The following LCN12 variants were observed in gnomAD, a reference collection of about 807,000 sequenced individuals.
LCN12 encodes epididymal-specific lipocalin-12.
A neutral mutation model predicts 23.7 loss-of-function variants in LCN12; 15 were observed. That is an observed-to-expected ratio of 0.63 (90% CI 0.42 to 0.97). LCN12 has a LOEUF of 0.97. Among genes scored for constraint, LCN12 ranks in the 50% least tolerant of loss-of-function variants. LCN12 has a pLI of 0.00. For missense variants in LCN12, 219 were observed against 249.6 expected, an observed-to-expected ratio of 0.88 and a Z score of 0.83; for synonymous variants, 116 against 111.5, an observed-to-expected ratio of 1.04 and a Z score of -0.25.
chr9:136,954,425 GC>G, intron 5 of LCN12, 170 bp downstream of exon 5: 1 of 818,150 alleles, frequency 1.2e-6, no homozygotes, highest in African/African-American at 1.7e-5. Flanking sequence ...CAGGCTCTGA[GC>G]CACCTCCTGC....
rs758308788 is a variant in LCN12, at chr9:136,954,137, G to A, written c.449-17G>A. 17 of 1,538,146 alleles carry A rather than the reference G, an allele frequency of 1.1e-5. No individual in the cohort carries two copies. Among genetic ancestry groups the A allele is most frequent in the Middle Eastern group, 3.4e-4 (2 of 5,872 alleles). On this transcript the variant is annotated splice_polypyrimidine_tract_variant and intron_variant, in intron 4 of 5. Transcript: ENST00000371633. ...CTGCCAAGTGCACAGACCCATGCTG[G>A]GCTCCCTGGGCTGCAGGCAGGAGCT... is the stretch of plus-strand genomic sequence containing the variant.
chr9:136,956,319 G>A (rs750645159), downstream of LCN12, among the ~76,000 whole-genome samples: 10 of 152,182 alleles, frequency 6.6e-5, no homozygotes, highest in South Asian at 6.2e-4. Context: ...GGAGCACCCC[G>A]CTACTCAGAA....
At chr9:136,951,443 T>C (rs1851149221), upstream of LCN12, 1 of 152,256 alleles carries the variant, frequency 6.6e-6, no homozygotes, top group African/African-American at 2.4e-5. Flanking sequence ...TTTGTAGAGA[T>C]GGAGTCTCGC....
At chr9:136,953,174 G>A in intron 2 of LCN12, 146 bp downstream of exon 2, 1 of 1,149,400 alleles carries the variant, frequency 8.7e-7, no homozygotes, top group Non-Finnish European at 1.2e-6. Context: ...CCCAGCTGGG[G>A]AGTATACAAA....
At chr9:136,951,890 G>A (rs935890610), upstream of LCN12, among the ~76,000 whole-genome samples, 2 of 152,258 alleles carry the variant, frequency 1.3e-5, no homozygotes, top group African/African-American at 4.8e-5. Flanking sequence ...CCCGGGTTTG[G>A]CCACAGCTGG....
At chr9:136,950,459 A>T (rs1851126904), upstream of LCN12, among the ~76,000 whole-genome samples, 4 of 151,876 alleles carry the variant, frequency 2.6e-5, no homozygotes, top group South Asian at 8.3e-4. Context: ...CGGGCTGGCC[A>T]GGGAAGGCCC....
At chr9:136,955,774 C>T (rs537921963), downstream of LCN12, among the ~76,000 whole-genome samples, 74 of 152,366 alleles carry the variant, frequency 4.9e-4, 1 homozygote, top group South Asian at 0.014. Flanking sequence ...AGTTCGCAGG[C>T]TCTTCTCCAC....
upstream of LCN12, among the ~76,000 whole-genome samples, chr9:136,949,943 C>A (rs1020683759): frequency 6.6e-6 from 1 of 152,206 alleles, no homozygotes; most frequent in Non-Finnish European, 1.5e-5. Context: ...CTCGGCCTCC[C>A]AAAGCGCTGG....
chr9:136,952,438 C>T lies in LCN12; in HGVS notation c.111C>T (p.Asn37=), dbSNP rs1395493773. 20 of 1,603,766 alleles carry T rather than the reference C, an allele frequency of 1.2e-5. No individual in the cohort carries two copies. The highest frequency in any genetic ancestry group is 1.6e-5 in the Non-Finnish European group (19 of 1,171,332). ...LPPPMQSFQG[N]QFQGEWFVLG... The stretch of plus-strand genomic sequence containing the variant: ...CCCCGATGCAGAGCTTCCAAGGAAA[C>T]CAGGTACAGGGGTTTTGACGGAAGG... Residue 37 remains asparagine, a synonymous_variant, in exon 1 of 6, where the codon AAC becomes AAT. Transcript: ENST00000371633.
chr9:136,954,408 C>A, intron 5 of LCN12, 153 bp downstream of exon 5: 1 of 937,500 alleles, frequency 1.1e-6, no homozygotes, highest in Non-Finnish European at 1.7e-6. Context: ...GGTCCCTGTG[C>A]TCAACCCAGG....
intron 5 of LCN12, chr9:136,955,011 A>G: frequency 7.3e-7 from 1 of 1,362,368 alleles, no homozygotes; most frequent in Non-Finnish European, 9.5e-7. Flanking sequence ...ACTGGCACAC[A>G]TGCTGTCTAC....
chr9:136,953,414 CGGGCGCGGTGGCG>C (rs1851222066), intron 2 of LCN12: 1 of 446,924 alleles, frequency 2.2e-6, no homozygotes, highest in Admixed American at 3.9e-5. Context: ...CTTTGGGGGC[CGGGCGCGGTGGCG>C]CACACCTGTA....
intron 4 of LCN12, 63 bp downstream of exon 4, chr9:136,954,027 G>C (rs1851247583): frequency 6.3e-7 from 1 of 1,579,210 alleles, no homozygotes; most frequent in African/African-American, 1.3e-5. Flanking sequence ...TCCAGGCTTT[G>C]GGTCAGACCC....
At chr9:136,953,816 C>A in intron 3 of LCN12, 32 bp from the exon 4 acceptor site, 1 of 1,598,818 alleles carries the variant, frequency 6.3e-7, no homozygotes, top group Admixed American at 1.7e-5. Context: ...GGGGTGCTGG[C>A]CCACAGGGAT....
intron 5 of LCN12, 197 bp from the exon 6 acceptor site, chr9:136,955,174 T>G (rs952991045): frequency 1.4e-6 from 2 of 1,418,516 alleles, no homozygotes; most frequent in Non-Finnish European, 9.2e-7. Context: ...TGGGAGCCGC[T>G]GTGGGCCACA....
chr9:136,952,865 C>CCCCCCCG, intron 1 of LCN12, 27 bp from the exon 2 acceptor site: 1 of 1,599,510 alleles, frequency 6.3e-7, no homozygotes, highest in Non-Finnish European at 8.5e-7. Context: ...TGCCCACCGC[C>CCCCCCCG]GCCCCTGCCC....
chr9:136,952,741 T>C (rs1851190735), intron 1 of LCN12, 151 bp from the exon 2 acceptor site: 1 of 867,668 alleles, frequency 1.2e-6, no homozygotes, highest in Non-Finnish European at 1.7e-6. Context: ...GAGTAGGCTC[T>C]GGTTCTTGCC....
At position 136,953,927 on chromosome 9, in the gene LCN12, C is replaced by G. The variant is rs373916013; in HGVS notation, c.411C>G (p.His137Gln). Residue 137 changes from histidine to glutamine, a missense_variant, in exon 4 of 6, where the codon CAC (histidine) becomes CAG (glutamine). His to Gln is a conservative substitution (Grantham distance 24). Transcript: ENST00000371633. ...TQFALMLSRR[H>Q]TSRLAVLRIS... ...TCGCCCTGATGCTGTCCCGCAGACA[C>G]ACGAGCAGGCTGGCCGTCCTCAGGA... 51 of 1,611,490 alleles carry G rather than the reference C, an allele frequency of 3.2e-5. No individual in the cohort carries two copies. In the African/African-American group the frequency reaches 5.6e-4, roughly 18 times the overall value.
At chr9:136,956,203 G>A (rs1851315903), downstream of LCN12, among the ~76,000 whole-genome samples, 1 of 152,172 alleles carries the variant, frequency 6.6e-6, no homozygotes, top group African/African-American at 2.4e-5. Flanking sequence ...GGCAGGGAGA[G>A]CAGGACACCA....
Sources: gnomAD v4.1 joint callset for allele counts (sites outside exome capture counted in the v4.1 genomes callset) on GRCh38, gnomAD v4.1.1 for gene constraint, MANE v1.5 for transcripts, NCBI Gene and HGNC (gene_info 2026-07-23, HGNC 2026-07-21) for gene names.